Variants in ATG2A observed in about 807,000 individuals in gnomAD.
The protein encoded by ATG2A is autophagy related 2A, also known as autophagy-related protein 2 homolog A.
A neutral mutation model predicts 214.2 loss-of-function variants in ATG2A; 103 were observed. The observed-to-expected ratio is 0.48, with a 90% confidence interval of 0.41 to 0.57. The LOEUF (loss-of-function observed/expected upper bound fraction) is 0.57, where lower values mean the gene tolerates loss of function less well. Among genes scored for constraint, ATG2A ranks in the 20% least tolerant of loss-of-function variants. The pLI, the probability that ATG2A is intolerant of heterozygous loss-of-function variation, is 0.00. For missense variants in ATG2A, 2,312 were observed against 2,613.2 expected, an observed-to-expected ratio of 0.88 and a Z score of 2.51; for synonymous variants, 1,160 against 1,142.1, an observed-to-expected ratio of 1.02 and a Z score of -0.32.
chr11:64,902,755 GA>G (rs2136568280), intron 26 of ATG2A, 75 bp from the exon 27 acceptor site: 3 of 1,390,734 alleles, frequency 2.2e-6, no homozygotes, highest in East Asian at 4.7e-5. Context: ...CGCTCGCTGG[GA>G]GGGCACCGCA....
Position 64,905,431 on chromosome 11 carries a change from CA to C in ATG2A, c.3464+131del, listed in dbSNP as rs148006466. The stretch of plus-strand genomic sequence containing the variant: ...CAACTGCCCTCTAGAAAGGCGGAAA[CA>C]ATCCACATTCCTGAGAATGAGACTA... On this transcript the variant is annotated intron_variant, in intron 24 of 40. Coordinates refer to ENST00000377264, the MANE Select transcript of ATG2A (RefSeq NM_015104.3). The C allele has an allele frequency of 3.9e-3, 4,053 of 1,042,994 alleles. 192 individuals are homozygous for C. The East Asian group carries it at 0.086, about 22-fold the overall frequency. 64.6% of individuals were successfully genotyped at this position (1,042,994 alleles called of 1,614,324 possible).
rs1198866919 is a variant in ATG2A at position 64,896,619 on chromosome 11, AG to A, written c.5273-4del. 2 of 1,612,594 alleles carry A rather than the reference AG, an allele frequency of 1.2e-6. No homozygotes were observed. Among genetic ancestry groups the A allele is most frequent in the South Asian group, 2.2e-5 (2 of 91,066 alleles). On this transcript the variant is annotated splice_region_variant and splice_polypyrimidine_tract_variant and intron_variant, in intron 38 of 40. Coordinates refer to ENST00000377264, the MANE Select transcript of ATG2A (RefSeq NM_015104.3). ...CAGCAGGTCCCGGAACCCTTGGACT[AG>A]GGGGAAGGAGCGCTCAGAGACACCC...
At chr11:64,899,106 C>T (rs967470680) in intron 31 of ATG2A, among the ~76,000 whole-genome samples, 17 of 152,190 alleles carry the variant, frequency 1.1e-4, no homozygotes, top group African/African-American at 3.6e-4. Context: ...GGTTTCACAA[C>T]GTTGGCCAGG....
chr11:64,901,016 G>T lies in ATG2A; in HGVS notation c.4196C>A (p.Pro1399Gln). ...CCGCAGCAAGTCCGTGCTGCCGATC[G>T]GCCGTGAGAAGTAACCGTCCCTCAC... is the stretch of plus-strand genomic sequence containing the variant. Reference protein sequence around the residue: ...IVVRDGYFSRPIGSTDLLRAP... With the variant: ...IVVRDGYFSRQIGSTDLLRAP... Residue 1399 changes from proline to glutamine, a missense_variant, in exon 30 of 41, where the codon CCG becomes CAG. Transcript: ENST00000377264. The T allele has an allele frequency of 1.3e-6, 2 of 1,589,880 alleles. No individual in the cohort carries two copies.
chr11:64,898,861 C>G lies in ATG2A; in HGVS notation c.4465-19G>C. ...AGCTTACCTGTGGGGTGGACAGAGGCCTGGCCAGGTAAGCAGGGCCCCAAG... is the reference window on the plus strand; with the variant it reads ...AGCTTACCTGTGGGGTGGACAGAGGGCTGGCCAGGTAAGCAGGGCCCCAAG... On this transcript the variant is annotated intron_variant, in intron 31 of 40. Transcript: ENST00000377264. This position sits in a 1 kb window ranked among gnomAD's most constrained non-coding sequence, Gnocchi z 4.5. 1 of 1,600,810 alleles carries G rather than the reference C, an allele frequency of 6.2e-7. No individual in the cohort carries two copies. Among genetic ancestry groups the G allele is most frequent in the Non-Finnish European group, 8.5e-7 (1 of 1,176,944 alleles).
Position 64,917,093 on chromosome 11 carries a change from G to A in ATG2A, c.43C>T (p.Arg15Trp), listed in dbSNP as rs777419799. The A allele has an allele frequency of 1.2e-6, 2 of 1,613,122 alleles. No homozygotes were observed. The highest frequency in any genetic ancestry group is 1.7e-6 in the Non-Finnish European group (2 of 1,179,904). The change falls in exon 1 of 41, where the codon CGG becomes TGG. Residue 15 changes from arginine (R) to tryptophan (W), a missense_variant. Coordinates refer to ENST00000377264, the MANE Select transcript of ATG2A (RefSeq NM_015104.3). ...LWPWSNCVKE[R>W]VCRYLLHHYL... Reference sequence around the variant, plus strand: ...TGGTGCAGCAAGTAGCGGCAGACCCGCTCTTTCACACAGTTTGACCATGGC... The same window carrying A: ...TGGTGCAGCAAGTAGCGGCAGACCCACTCTTTCACACAGTTTGACCATGGC...
At chr11:64,904,816 TTATCTATCTATC>T (rs1555184661) in intron 24 of ATG2A, among the ~76,000 whole-genome samples, 16 of 145,160 alleles carry the variant, frequency 1.1e-4, no homozygotes, top group African/African-American at 3.5e-4. Context: ...TCTATATTTT[TTATCTATCTATC>T]TATCTATCTA....
Position 64,896,446 on chromosome 11 carries a change from C to T in ATG2A, c.5427+16G>A, listed in dbSNP as rs771250912. ...TGCTCTGTCCTGCACAGCCCAGATA[C>T]AGGGCACCCACTCACCTGGATAGCC... On this transcript the variant is annotated intron_variant, in intron 39 of 40. Transcript: ENST00000377264. The T allele has an allele frequency of 6.2e-7, 1 of 1,602,310 alleles. No individual in the cohort carries two copies.
At position 64,914,486 on chromosome 11, in the gene ATG2A, C is replaced by T; in HGVS notation, c.186G>A (p.Val62=). ...CCAGCGGTGACTCCATTGACTCCAG[C>T]ACCTCGTTCACAGACTGGGAGCAAG... The part of the protein sequence containing the change: ...IHLEIWSVNE[V]LESMESPLEL... The change falls in exon 2 of 41, where the codon GTG becomes GTA. Residue 62 remains valine (V), a synonymous_variant. Transcript: ENST00000377264. The T allele has an allele frequency of 6.2e-7, 1 of 1,612,598 alleles. No individual in the cohort carries two copies. The highest frequency in any genetic ancestry group is 1.1e-5 in the South Asian group (1 of 90,926).
Position 64,898,766 on chromosome 11 carries a change from C to T in ATG2A, c.4541G>A (p.Arg1514Gln), listed in dbSNP as rs755728271. 14 of 1,613,640 alleles carry T rather than the reference C, an allele frequency of 8.7e-6. No individual in the cohort carries two copies. Among genetic ancestry groups the T allele is most frequent in the Middle Eastern group, 1.6e-4 (1 of 6,084 alleles). The change falls in exon 32 of 41, where the codon CGA becomes CAA. Residue 1514 changes from arginine to glutamine, a missense_variant. By Grantham distance (43) the Arg-to-Gln change is conservative. Coordinates refer to ENST00000377264, the MANE Select transcript of ATG2A (RefSeq NM_015104.3). The surrounding 1 kb of genome is among the most constrained non-coding windows in gnomAD (Gnocchi z 4.5). ...GATGAACACCTGACGGGACAGCGGTCGCTCCTCCAGCTCCTGGCTGGGGGC... is the reference window on the plus strand; with the variant it reads ...GATGAACACCTGACGGGACAGCGGTTGCTCCTCCAGCTCCTGGCTGGGGGC... ...PAAPSQELEE[R>Q]PLSRQVFIVQ...
chr11:64,902,158 G>C lies in ATG2A; in HGVS notation c.3923C>G (p.Ala1308Gly). 1 of 1,613,062 alleles carries C rather than the reference G, an allele frequency of 6.2e-7. No homozygotes were observed. Among genetic ancestry groups the C allele is most frequent in the Admixed American group, 1.7e-5 (1 of 60,016 alleles). The change falls in exon 29 of 41, where the codon GCG (alanine) becomes GGG (glycine). Residue 1308 changes from alanine to glycine, a missense_variant. Transcript: ENST00000377264. ...AQPSGGHLPQ[A>G]SPISVYLFPG... ...GAATAGGTAGACGGAGATGGGCGAC[G>C]CCTGAGGGAGGTGGCCACCTATAGG...
chr11:64,908,866 G>T, intron 16 of ATG2A, 125 bp downstream of exon 16: 1 of 1,068,244 alleles, frequency 9.4e-7, no homozygotes, highest in South Asian at 1.6e-5. Context: ...CTGGTGTTGG[G>T]TCAGCTCATG....
rs747145541 is a variant in ATG2A at position 64,911,071 on chromosome 11, C to T, written c.1433G>A (p.Arg478His). 5.6e-6 allele frequency: 9 copies of T among 1,613,796 alleles called. No individual in the cohort carries two copies. The highest frequency in any genetic ancestry group is 3.3e-5 in the Admixed American group (2 of 59,980). ...GSRDFHHLRP[R>H]FQRACPCSHV... ...GCTACAGGGACAGGCCCTCTGGAAG[C>T]GTGGTCGAAGGTGATGGAAGTCTCG... The change falls in exon 10 of 41, where the codon CGC (arginine) becomes CAC (histidine). Residue 478 changes from arginine (R) to histidine (H), a missense_variant. By Grantham distance (29) the Arg-to-His change is conservative (BLOSUM62 0). Transcript: ENST00000377264.
chr11:64,906,866 C>T (rs376040042), intron 19 of ATG2A, 51 bp from the exon 20 acceptor site: 11 of 1,577,720 alleles, frequency 7.0e-6, no homozygotes, highest in Middle Eastern at 4.0e-4. Context: ...CAGCAACCCT[C>T]AAGCCCTCTG....
At position 64,913,423 on chromosome 11, in the gene ATG2A, C is replaced by G. The variant is rs1021110957; in HGVS notation, c.591-22G>C. On this transcript the variant is annotated intron_variant, in intron 4 of 40. Transcript: ENST00000377264. The surrounding 1 kb of genome is among the most constrained non-coding windows in gnomAD (Gnocchi z 4.3). ...CAGTCTGGAGAGTGTAGGGTCAGCC[C>G]GTGCCCTGGCCACCCCAGGCCTGGA... 5 of 1,549,206 alleles carry G rather than the reference C, an allele frequency of 3.2e-6. No homozygotes were observed. The Admixed American group carries it at 5.5e-5, about 17-fold the overall frequency.
chr11:64,909,758 T>C lies in ATG2A; in HGVS notation c.2030A>G (p.Gln677Arg). The C allele has an allele frequency of 6.2e-7, 1 of 1,612,936 alleles. No homozygotes were observed. The highest frequency in any genetic ancestry group is 1.1e-5 in the South Asian group (1 of 91,084). Residue 677 changes from glutamine (Q) to arginine (R), a missense_variant, in exon 14 of 41, where the codon CAG becomes CGG. Coordinates refer to ENST00000377264, the MANE Select transcript of ATG2A (RefSeq NM_015104.3). ...CCCACTGCTAAGCTCTGACCGGAAC[T>C]GGGGCTCACTCAGCTCCAGCCGAAG... is the stretch of plus-strand genomic sequence containing the variant. ...EQLRLELSEP[Q>R]FRSELSSGPG...
intron 39 of ATG2A, 89 bp downstream of exon 39, chr11:64,896,370 TGAG>T: frequency 6.7e-7 from 1 of 1,483,904 alleles, no homozygotes; most frequent in Non-Finnish European, 9.0e-7. Flanking sequence ...CTGCCCACTC[TGAG>T]GAGCTTTGAG....
chr11:64,900,349 CG>C, intron 31 of ATG2A, 144 bp downstream of exon 31: 1 of 1,263,042 alleles, frequency 7.9e-7, no homozygotes, highest in Non-Finnish European at 1.1e-6. Flanking sequence ...CGGACACACT[CG>C]ATACATCTTG....
At position 64,902,028 on chromosome 11, in the gene ATG2A, C is replaced by T. The variant is rs199559104; in HGVS notation, c.4053G>A (p.Glu1351=). 2 of 1,614,068 alleles carry T rather than the reference C, an allele frequency of 1.2e-6. No individual in the cohort carries two copies. The highest frequency in any genetic ancestry group is 1.7e-6 in the Non-Finnish European group (2 of 1,180,046). ...SEEKEDEREE[E]GDGDTLDSDE... is the part of the protein sequence containing the mutation. ...CACTGTCCAGGGTGTCTCCATCGCC[C>T]TCCTCTTCCCTTTCATCTTCCTTCT... is the stretch of plus-strand genomic sequence containing the variant. The change falls in exon 29 of 41, where the codon GAG becomes GAA. Residue 1351 remains glutamate (E), a synonymous_variant. Coordinates refer to ENST00000377264, the MANE Select transcript of ATG2A (RefSeq NM_015104.3).
Sources: allele counts gnomAD v4.1 joint callset (sites outside exome capture counted in the v4.1 genomes callset), GRCh38; gene constraint gnomAD v4.1.1; non-coding constraint Gnocchi (gnomAD v3.1); transcripts MANE v1.5; gene names NCBI Gene and HGNC (gene_info 2026-07-23, HGNC 2026-07-21).